Variants in TNFSF8 observed in about 807,000 individuals in gnomAD.
TNFSF8 encodes TNF superfamily member 8, also known as tumor necrosis factor ligand superfamily member 8.
Under a neutral mutation model 22.0 loss-of-function variants are expected in TNFSF8, and 4 were observed. The observed-to-expected ratio is 0.18, with a 90% CI of 0.09 to 0.42. The LOEUF is 0.42. Ranked by LOEUF, TNFSF8 falls within the 10% of genes least tolerant of loss-of-function variation. The pLI, the probability that TNFSF8 is intolerant of heterozygous loss-of-function variation, is 1.00. For synonymous variants in TNFSF8, 106 were observed against 112.5 expected (o/e 0.94, Z 0.37); for missense variants, 233 against 281.8 (o/e 0.83, Z 1.24).
intron 1 of TNFSF8, among the ~76,000 whole-genome samples, chr9:114,929,057 T>C (rs1460289435): frequency 6.6e-6 from 1 of 152,212 alleles, no homozygotes; most frequent in Non-Finnish European, 1.5e-5. Context: ...GCTCTTAAAT[T>C]ACCCATTAAC....
rs1317649700 is a variant in TNFSF8 at position 114,903,073 on chromosome 9, T to C, written c.*858A>G. On this transcript the variant is annotated 3_prime_UTR_variant, in exon 4 of 4. Transcript: ENST00000223795. ...CAGGCATTTGCCAGTGAATTGAGAGTGACCACACCCTATTTCTTTACCTAC... is the reference window on the plus strand; with the variant it reads ...CAGGCATTTGCCAGTGAATTGAGAGCGACCACACCCTATTTCTTTACCTAC... 2 of 152,214 alleles carry C rather than the reference T, an allele frequency of 1.3e-5. No homozygotes were observed. The highest frequency in any genetic ancestry group is 1.3e-4 in the Admixed American group (2 of 15,266). The allele number at this position is 152,214 out of a possible 1,614,324, so 9.4% of individuals were successfully genotyped here. A position where few individuals can be genotyped will look rare whatever the true frequency, so the allele number is the denominator to read the frequency against.
intron 2 of TNFSF8, among the ~76,000 whole-genome samples, chr9:114,909,029 A>G (rs750741228): frequency 1.3e-5 from 2 of 152,216 alleles, no homozygotes; most frequent in African/African-American, 2.4e-5. Context: ...AGCAATGGAA[A>G]GACGTACACT....
chr9:114,897,346 ATTCAT>A (rs1827667497), downstream of TNFSF8, among the ~76,000 whole-genome samples: 1 of 150,718 alleles, frequency 6.6e-6, no homozygotes, highest in African/African-American at 2.4e-5. Flanking sequence ...TTCTTTGATT[ATTCAT>A]TTAAGAAATA....
chr9:114,897,508 G>A (rs1827669203), downstream of TNFSF8, among the ~76,000 whole-genome samples: 1 of 152,150 alleles, frequency 6.6e-6, no homozygotes, highest in East Asian at 1.9e-4. Flanking sequence ...AGGGTAAAGT[G>A]TCATGCAATT....
chr9:114,900,372 C>T (rs1288984094), downstream of TNFSF8, among the ~76,000 whole-genome samples: 4 of 152,192 alleles, frequency 2.6e-5, no homozygotes, highest in Admixed American at 2.6e-4. Flanking sequence ...ATGGAAGTCC[C>T]ATTGGTTGGA....
chr9:114,920,942 T>A (rs538432994), intron 1 of TNFSF8, among the ~76,000 whole-genome samples: 1 of 152,298 alleles, frequency 6.6e-6, no homozygotes, highest in East Asian at 1.9e-4. Flanking sequence ...GTGCTGGGAT[T>A]ACAAGCGTGA....
chr9:114,898,623 C>A (rs975602186), downstream of TNFSF8, among the ~76,000 whole-genome samples: 1 of 152,070 alleles, frequency 6.6e-6, no homozygotes, highest in African/African-American at 2.4e-5. Flanking sequence ...GTGTTAAGTT[C>A]AGGATGAGTA....
intron 2 of TNFSF8, among the ~76,000 whole-genome samples, chr9:114,912,605 G>A (rs371178209): frequency 6.6e-6 from 1 of 152,142 alleles, no homozygotes; most frequent in African/African-American, 2.4e-5. Flanking sequence ...TGGCCAGAAT[G>A]GTCTCGATCT....
At position 114,930,126 on chromosome 9, in the gene TNFSF8, A is replaced by G; in HGVS notation, c.178T>C (p.Leu60=). 6.6e-7 allele frequency: 1 copy of G among 1,521,032 alleles called. No homozygotes were observed. Among genetic ancestry groups the G allele is most frequent in the Non-Finnish European group, 8.8e-7 (1 of 1,131,518 alleles). The allele number at this position is 1,521,032 out of a possible 1,614,324, so 94.2% of individuals were successfully genotyped here. A position where few individuals can be genotyped will look rare whatever the true frequency, so the allele number is the denominator to read the frequency against. Residue 60 remains leucine (L), a synonymous_variant, in exon 1 of 4, where the codon TTG becomes CTG. Transcript: ENST00000223795. ...LVFTVATIMV[L]VVQRTDSIPN... ...CCACTTACCGTCCTCTGAACGACCA[A>G]CACCATAATAGTGGCCACCGTGAAG... is the stretch of plus-strand genomic sequence containing the variant.
intron 4 of TNFSF8, among the ~76,000 whole-genome samples, chr9:114,896,103 G>A (rs1827652950): frequency 6.6e-6 from 1 of 152,200 alleles, no homozygotes. Flanking sequence ...GGGGGAAACA[G>A]AGAAACATAA....
In TNFSF8 at chr9:114,902,176, A is replaced by G. The variant is rs1326294052; in HGVS notation, c.*1755T>C. 1 of 985,318 alleles carries G rather than the reference A, an allele frequency of 1.0e-6. No homozygotes were observed. The highest frequency in any genetic ancestry group is 1.2e-6 in the Non-Finnish European group (1 of 829,940). The allele number at this position is 985,318 out of a possible 1,614,324, so 61.0% of individuals were successfully genotyped here. A position where few individuals can be genotyped will look rare whatever the true frequency, so the allele number is the denominator to read the frequency against. ...CAGATGCCAAGTTGGATATAGCTAG[A>G]GAAATCTCATGGCTACCCCAATCAG... On this transcript the variant is annotated 3_prime_UTR_variant, in exon 4 of 4. Coordinates refer to ENST00000223795, the MANE Select transcript of TNFSF8 (RefSeq NM_001244.4).
At chr9:114,894,189 T>G (rs1266527291) in intron 4 of TNFSF8, 1 of 1,519,614 alleles carries the variant, frequency 6.6e-7, no homozygotes, top group East Asian at 2.5e-5. Flanking sequence ...AACTTTACTT[T>G]GTAGATATCG....
At chr9:114,921,258 G>A (rs1473800619) in intron 1 of TNFSF8, among the ~76,000 whole-genome samples, 1 of 152,208 alleles carries the variant, frequency 6.6e-6, no homozygotes, top group African/African-American at 2.4e-5. Flanking sequence ...ATTTTGAAGA[G>A]CTCTTGGGAT....
chr9:114,911,635 A>G (rs2131344261), intron 2 of TNFSF8, among the ~76,000 whole-genome samples: 1 of 152,324 alleles, frequency 6.6e-6, no homozygotes, highest in East Asian at 1.9e-4. Flanking sequence ...CCATATGAAC[A>G]CACTTAGTGC....
At chr9:114,893,484 G>C (rs1827625684) in exon 5 of TNFSF8, 1 of 152,688 alleles carries the variant, frequency 6.5e-6, no homozygotes, top group South Asian at 2.1e-4. Context: ...CTTCCCAGTT[G>C]AGTACACAGC....
rs1490523292 is a variant in TNFSF8, at chr9:114,929,360, T to TC, written c.195+748_195+749insG. Among the ~76,000 whole-genome samples, 6 of 150,450 alleles carry TC rather than the reference T, an allele frequency of 4.0e-5. No individual in the cohort carries two copies. The East Asian group carries it at 1.2e-3, about 29-fold the overall frequency. Reference sequence around the variant, plus strand: ...TTTCTGCTTCTATGTGCTGTTTCTTTTTTTTTTTTTTTTGTGACGCCCTAA... The same window carrying TC: ...TTTCTGCTTCTATGTGCTGTTTCTTTCTTTTTTTTTTTTTGTGACGCCCTAA... On this transcript the variant is annotated intron_variant, in intron 1 of 3. Coordinates refer to ENST00000223795, the MANE Select transcript of TNFSF8 (RefSeq NM_001244.4).
chr9:114,893,999 C>T (rs1827631304), exon 5 of TNFSF8: 3 of 1,207,346 alleles, frequency 2.5e-6, no homozygotes, highest in Non-Finnish European at 3.5e-6. Flanking sequence ...CTGGTACCAT[C>T]AAGTTCATGA....
At chr9:114,911,190 G>C (rs556355004) in intron 2 of TNFSF8, among the ~76,000 whole-genome samples, 1 of 152,202 alleles carries the variant, frequency 6.6e-6, no homozygotes, top group South Asian at 2.1e-4. Flanking sequence ...TTTGATGGAC[G>C]GGAGCTTCTC....
chr9:114,918,242 A>G (rs1564371165), intron 1 of TNFSF8, 104 bp from the exon 2 acceptor site: 1 of 925,214 alleles, frequency 1.1e-6, no homozygotes, highest in African/African-American at 1.7e-5. Context: ...TGTGCAATTT[A>G]CAATTCATCC....
Sources: gnomAD v4.1 joint callset for allele counts (sites outside exome capture counted in the v4.1 genomes callset) on GRCh38, gnomAD v4.1.1 for gene constraint, MANE v1.5 for transcripts, NCBI Gene and HGNC (gene_info 2026-07-23, HGNC 2026-07-21) for gene names.